Variants in PDE11A observed in about 807,000 individuals in gnomAD.
PDE11A encodes phosphodiesterase 11A.
A neutral mutation model predicts 100.5 loss-of-function variants in PDE11A; 100 were observed. The observed-to-expected ratio is 1.00, with a 90% confidence interval of 0.85 to 1.18. PDE11A has a LOEUF of 1.18. PDE11A is among the 50% of genes most tolerant of loss of function. The probability of loss-of-function intolerance (pLI) is 0.00; values close to 1 mark genes in which losing one functional copy is unlikely to be tolerated. For synonymous variants in PDE11A, 381 were observed against 420.8 expected (o/e 0.91, Z 1.16); for missense variants, 1,141 against 1,152.6 (o/e 0.99, Z 0.15).
At position 177,628,710 on chromosome 2, in the gene PDE11A, T is replaced by C. The variant is rs1353407369; in HGVS notation, c.*697A>G. The C allele has an allele frequency of 6.6e-6, 1 of 152,462 alleles. No individual in the cohort carries two copies. Among genetic ancestry groups the C allele is most frequent in the Non-Finnish European group, 1.5e-5 (1 of 68,248 alleles). The allele number at this position is 152,462 out of a possible 1,614,324, so 9.4% of individuals were successfully genotyped here. A position where few individuals can be genotyped will look rare whatever the true frequency, so the allele number is the denominator to read the frequency against. On this transcript the variant is annotated 3_prime_UTR_variant, in exon 20 of 20. Transcript: ENST00000286063. ...TCCTTCTGGGAGAAAACTTTGTCTG[T>C]AATGAAGGTTGAATTTTAAAACTCT...
chr2:177,907,923 G>GT (rs895304569), intron 2 of PDE11A, among the ~76,000 whole-genome samples: 8 of 152,102 alleles, frequency 5.3e-5, no homozygotes, highest in African/African-American at 1.2e-4. Context: ...GTAATAAACT[G>GT]TTTTTTTGTC....
intron 2 of PDE11A, among the ~76,000 whole-genome samples, chr2:177,950,726 A>G (rs1481772969): frequency 1.3e-5 from 2 of 152,218 alleles, no homozygotes; most frequent in African/African-American, 4.8e-5. Context: ...CCTGGCTAAC[A>G]CGGTGAAACC....
At chr2:177,980,148 T>A (rs1333583579) in intron 2 of PDE11A, among the ~76,000 whole-genome samples, 1 of 149,786 alleles carries the variant, frequency 6.7e-6, no homozygotes, top group South Asian at 2.2e-4. Flanking sequence ...AAGTAGAAAG[T>A]GACATCCTAA....
chr2:177,723,495 T>G (rs959521286), intron 12 of PDE11A, among the ~76,000 whole-genome samples: 1 of 152,126 alleles, frequency 6.6e-6, no homozygotes, highest in Non-Finnish European at 1.5e-5. Context: ...TCTTTTCATA[T>G]CCAGTGAATT....
intron 2 of PDE11A, among the ~76,000 whole-genome samples, chr2:177,948,459 T>C (rs1393794881): frequency 2.0e-5 from 3 of 152,210 alleles, no homozygotes; most frequent in Non-Finnish European, 4.4e-5. Context: ...TCTCAAACTC[T>C]AGATAGAAAA....
chr2:177,907,952 T>C (rs568594664), intron 2 of PDE11A, among the ~76,000 whole-genome samples: 13 of 152,364 alleles, frequency 8.5e-5, no homozygotes, highest in African/African-American at 2.9e-4. Flanking sequence ...AGGAGTCTCA[T>C]GTCTTCTGTC....
intron 2 of PDE11A, among the ~76,000 whole-genome samples, chr2:178,097,555 A>G (rs1298327339): frequency 6.6e-6 from 1 of 152,082 alleles, no homozygotes; most frequent in Non-Finnish European, 1.5e-5. Context: ...CTCCCTCGAC[A>G]TGTGAGGATT....
rs184652424 is a variant in PDE11A at position 178,084,011 on chromosome 2, A to G, written c.162+20291T>C. The stretch of plus-strand genomic sequence containing the variant: ...AATAGCTATATAGATACGTTCATAT[A>G]TACACAAATATACATATTCTTGTAT... On this transcript the variant is annotated intron_variant, in intron 2 of 20. Transcript: ENST00000358450. Among the ~76,000 whole-genome samples, 241 of 152,340 alleles carry G rather than the reference A, an allele frequency of 1.6e-3. 1 individual carries two copies. The highest frequency in any genetic ancestry group is 5.4e-3 in the African/African-American group (224 of 41,596).
At chr2:177,757,199 GC>G (rs1333034464) in intron 10 of PDE11A, among the ~76,000 whole-genome samples, 1 of 152,160 alleles carries the variant, frequency 6.6e-6, no homozygotes, top group African/African-American at 2.4e-5. Context: ...CCAAAAACTG[GC>G]CTGGCAGCTG....
chr2:178,108,002 A>G (rs1240223850), intron 1 of PDE11A, among the ~76,000 whole-genome samples: 1 of 152,136 alleles, frequency 6.6e-6, no homozygotes, highest in African/African-American at 2.4e-5. Context: ...TTAGAGGCGT[A>G]AGCCACCATG....
At chr2:178,097,034 A>G (rs776011764) in intron 2 of PDE11A, among the ~76,000 whole-genome samples, 4 of 152,080 alleles carry the variant, frequency 2.6e-5, no homozygotes, top group Non-Finnish European at 4.4e-5. Context: ...CTATAGGCAC[A>G]TGCCACCACA....
chr2:178,022,337 T>G (rs887840730), intron 1 of PDE11A, among the ~76,000 whole-genome samples: 1 of 152,072 alleles, frequency 6.6e-6, no homozygotes, highest in African/African-American at 2.4e-5. Flanking sequence ...ATTCACTGAG[T>G]GAGGAACGCA....
intron 16 of PDE11A, among the ~76,000 whole-genome samples, chr2:177,679,647 AG>A (rs1559139586): frequency 6.6e-6 from 1 of 152,214 alleles, no homozygotes; most frequent in African/African-American, 2.4e-5. Context: ...GCAAGAAATT[AG>A]GAAGTGTGGG....
At position 177,939,896 on chromosome 2, in the gene PDE11A, T is replaced by C. The variant is rs577377261; in HGVS notation, c.1072-34709A>G. 3.3e-5 allele frequency among the ~76,000 whole-genome samples: 5 copies of C among 152,340 alleles called. No individual in the cohort carries two copies. In the South Asian group the frequency reaches 1.0e-3, roughly 32 times the overall value. ...AAATATTTAACGATGTATCAGCCAA[T>C]CATAAGTGGACCTTGTTCTGAACAA... On this transcript the variant is annotated intron_variant, in intron 2 of 19. Transcript: ENST00000286063.
intron 2 of PDE11A, among the ~76,000 whole-genome samples, chr2:178,095,049 C>A (rs1203578005): frequency 6.6e-6 from 1 of 152,102 alleles, no homozygotes; most frequent in Admixed American, 6.6e-5. Flanking sequence ...TCATTCCACC[C>A]CTGACCCCTT....
At chr2:178,101,387 A>G (rs181113884) in intron 2 of PDE11A, among the ~76,000 whole-genome samples, 1 of 152,334 alleles carries the variant, frequency 6.6e-6, no homozygotes, top group East Asian at 1.9e-4. Context: ...CACTCTCCCA[A>G]CACATGGATG....
chr2:177,630,745 G>A (rs1233765808), intron 19 of PDE11A, among the ~76,000 whole-genome samples: 1 of 151,802 alleles, frequency 6.6e-6, no homozygotes, highest in African/African-American at 2.4e-5. Context: ...AGTAAAATAT[G>A]ATCAGCAAAA....
chr2:177,648,294 C>T (rs57479066), intron 19 of PDE11A, among the ~76,000 whole-genome samples: 24,986 of 151,744 alleles, frequency 0.16, 3,338 homozygotes, highest in African/African-American at 0.37. Flanking sequence ...TCTTCTTTAA[C>T]TACATTGCTA....
At chr2:177,984,516 C>T (rs12693151) in intron 2 of PDE11A, among the ~76,000 whole-genome samples, 9,549 of 152,128 alleles carry the variant, frequency 0.063, 315 homozygotes, top group South Asian at 0.094. Flanking sequence ...GATAAATTTG[C>T]ACCTAATTGT....
Sources: allele counts gnomAD v4.1 joint callset (sites outside exome capture counted in the v4.1 genomes callset), GRCh38; gene constraint gnomAD v4.1.1; transcripts MANE v1.5; gene names NCBI Gene and HGNC (gene_info 2026-07-23, HGNC 2026-07-21).